Variants in PUM1 observed in about 807,000 individuals in gnomAD.
The protein encoded by PUM1 is pumilio homolog 1.
Under a neutral mutation model 131.8 loss-of-function variants are expected in PUM1, and 13 were observed. The ratio of observed to expected loss-of-function variants is 0.10; its 90% confidence interval spans 0.06 to 0.16. The LOEUF (loss-of-function observed/expected upper bound fraction) is 0.16, where lower values mean the gene tolerates loss of function less well. Ranked by LOEUF, PUM1 falls within the 10% of genes least tolerant of loss-of-function variation. The probability of loss-of-function intolerance (pLI) is 1.00; values close to 1 mark genes in which losing one functional copy is unlikely to be tolerated. For synonymous variants in PUM1, 509 were observed against 556.5 expected, an observed-to-expected ratio of 0.91 and a Z score of 1.20; for missense variants, 961 against 1,512.4, an observed-to-expected ratio of 0.64 and a Z score of 6.05.
At chr1:30,984,805 A>G (rs143512561) in intron 7 of PUM1, among the ~76,000 whole-genome samples, 113 of 152,284 alleles carry the variant, frequency 7.4e-4, no homozygotes, top group African/African-American at 2.6e-3. Context: ...TACTATTATT[A>G]CTGTTGTTGT....
chr1:31,023,317 T>C (rs762001522), intron 3 of PUM1, among the ~76,000 whole-genome samples: 2 of 152,188 alleles, frequency 1.3e-5, no homozygotes, highest in African/African-American at 4.8e-5. Context: ...CTGGCAGACA[T>C]CTTTCCAAAA....
At chr1:30,993,366 C>T (rs1020523330) in intron 6 of PUM1, among the ~76,000 whole-genome samples, 9 of 147,532 alleles carry the variant, frequency 6.1e-5, no homozygotes, top group African/African-American at 2.0e-4. Flanking sequence ...AAAAACAGGG[C>T]ACTATTGATA....
At chr1:30,955,584 C>G (rs1276421712) in intron 14 of PUM1, among the ~76,000 whole-genome samples, 1 of 152,084 alleles carries the variant, frequency 6.6e-6, no homozygotes, top group Non-Finnish European at 1.5e-5. Context: ...TTGTTTCCCC[C>G]ACCTCCTTTT....
chr1:30,988,002 G>A (rs993163088), intron 7 of PUM1, among the ~76,000 whole-genome samples: 1 of 152,160 alleles, frequency 6.6e-6, no homozygotes, highest in Admixed American at 6.5e-5. Context: ...TCATAAATAA[G>A]TAAATATATA....
At chr1:31,054,898 C>T (rs1380467206) in intron 2 of PUM1, among the ~76,000 whole-genome samples, 2 of 152,068 alleles carry the variant, frequency 1.3e-5, no homozygotes, top group Admixed American at 1.3e-4. Context: ...GAAGCAGAAA[C>T]AGATCTAGAA....
chr1:30,997,857 A>C (rs891408865), intron 5 of PUM1, among the ~76,000 whole-genome samples: 1 of 151,884 alleles, frequency 6.6e-6, no homozygotes, highest in African/African-American at 2.4e-5. Context: ...GGCATGCACC[A>C]CCACGCCCGG....
Position 31,065,717 on chromosome 1 carries a change from T to A in PUM1, c.-113A>T. The A allele has an allele frequency of 6.5e-7, 1 of 1,548,622 alleles. No individual in the cohort carries two copies. On this transcript the variant is annotated 5_prime_UTR_variant, in exon 1 of 22. Transcript: ENST00000426105. ...TCACTCCGACAACATGGCGGCCCAC[T>A]GGGGACTGGGTTGGCGCGGTGCATC...
chr1:31,057,828 TG>T (rs1399824391), intron 2 of PUM1, among the ~76,000 whole-genome samples: 1 of 151,902 alleles, frequency 6.6e-6, no homozygotes, highest in Non-Finnish European at 1.5e-5. Flanking sequence ...TGATTTTTTC[TG>T]AAGTAAAACA....
At chr1:31,022,000 T>C (rs1643044876) in intron 3 of PUM1, among the ~76,000 whole-genome samples, 1 of 151,060 alleles carries the variant, frequency 6.6e-6, no homozygotes, top group Non-Finnish European at 1.5e-5. Flanking sequence ...AACTGTAACA[T>C]ACATGAGGTG....
intron 2 of PUM1, among the ~76,000 whole-genome samples, chr1:31,031,302 A>G (rs79239791): frequency 7.5e-4 from 114 of 152,334 alleles, no homozygotes; most frequent in African/African-American, 2.6e-3. Flanking sequence ...AAATCCAAAA[A>G]CCTACAAATA....
At chr1:30,956,506 C>T (rs554110892) in intron 14 of PUM1, among the ~76,000 whole-genome samples, 6 of 152,222 alleles carry the variant, frequency 3.9e-5, no homozygotes, top group Non-Finnish European at 7.4e-5. Flanking sequence ...TCATGTGATC[C>T]GCCCATCTCA....
intron 7 of PUM1, among the ~76,000 whole-genome samples, chr1:30,982,645 T>C (rs1316280420): frequency 6.6e-6 from 1 of 152,222 alleles, no homozygotes; most frequent in Non-Finnish European, 1.5e-5. Context: ...AGAGACCTGA[T>C]TGTTTCAGAC....
At chr1:30,940,186 A>G (rs1291846387) in intron 20 of PUM1, among the ~76,000 whole-genome samples, 1 of 152,250 alleles carries the variant, frequency 6.6e-6, no homozygotes, top group Non-Finnish European at 1.5e-5. Context: ...ACAAATTTAA[A>G]ATGAATGAGG....
chr1:30,985,152 T>C (rs1641500155), intron 7 of PUM1, among the ~76,000 whole-genome samples: 1 of 152,208 alleles, frequency 6.6e-6, no homozygotes. Flanking sequence ...AGATAATATG[T>C]AACATGGCAG....
At position 30,984,859 on chromosome 1, in the gene PUM1, T is replaced by C. The variant is rs186500599; in HGVS notation, c.1159-3454A>G. Among the ~76,000 whole-genome samples the C allele has an allele frequency of 8.3e-3, 1,258 of 152,302 alleles. 9 individuals carry two copies. The highest frequency in any genetic ancestry group is 0.013 in the South Asian group (63 of 4,826). On this transcript the variant is annotated intron_variant, in intron 7 of 21. Transcript: ENST00000426105. ...ACATAAAAAATTATGGCTTTTTTTT[T>C]CTAAACCTGGAGGAGTAATGTCTAA... is the stretch of plus-strand genomic sequence containing the variant.
intron 2 of PUM1, among the ~76,000 whole-genome samples, chr1:31,056,774 G>A (rs942300584): frequency 6.6e-6 from 1 of 151,548 alleles, no homozygotes; most frequent in Non-Finnish European, 1.5e-5. Context: ...ACACAGGCAT[G>A]TGCCCCCACG....
chr1:31,050,832 G>T (rs1644090686), intron 2 of PUM1: 1 of 184,344 alleles, frequency 5.4e-6, no homozygotes. Context: ...AAATTAACTG[G>T]AGCTCTTTCC....
intron 8 of PUM1, among the ~76,000 whole-genome samples, chr1:30,980,784 CA>C (rs890329015): frequency 5.3e-5 from 8 of 152,098 alleles, no homozygotes; most frequent in South Asian, 2.1e-4. Context: ...TAAGAAGGTC[CA>C]GGGGGAAGAA....
chr1:30,940,336 C>T (rs1259423815), intron 20 of PUM1, among the ~76,000 whole-genome samples: 3 of 152,028 alleles, frequency 2.0e-5, no homozygotes, highest in Non-Finnish European at 2.9e-5. Context: ...AGTAGCTGGG[C>T]GTGGTGGCGT....
Sources: allele counts gnomAD v4.1 joint callset (sites outside exome capture counted in the v4.1 genomes callset), GRCh38; gene constraint gnomAD v4.1.1; transcripts MANE v1.5; gene names NCBI Gene and HGNC (gene_info 2026-07-23, HGNC 2026-07-21).